Variants in ATRNL1 observed in about 807,000 individuals in gnomAD.
ATRNL1 encodes the protein attractin like 1.
ATRNL1 carries 95 observed loss-of-function variants against 182.7 expected under a neutral mutation model. The observed-to-expected ratio is 0.52, with a 90% confidence interval of 0.44 to 0.62. ATRNL1 has a LOEUF of 0.62. ATRNL1 is among the 20% of genes least tolerant of loss of function. The probability of loss-of-function intolerance (pLI) is 0.00; values close to 1 mark genes in which losing one functional copy is unlikely to be tolerated. For synonymous variants in ATRNL1, 576 were observed against 568.3 expected, an observed-to-expected ratio of 1.01 and a Z score of -0.19; for missense variants, 1,471 against 1,679.5, an observed-to-expected ratio of 0.88 and a Z score of 2.17.
At chr10:115,659,245 A>C (rs782137646) in intron 26 of ATRNL1, among the ~76,000 whole-genome samples, 1 of 151,804 alleles carries the variant, frequency 6.6e-6, no homozygotes, top group African/African-American at 2.4e-5. Context: ...GTTTCCCTGC[A>C]CTCTGCCCAC....
intron 24 of ATRNL1, among the ~76,000 whole-genome samples, chr10:115,512,051 A>G (rs7920354): frequency 0.047 from 7,180 of 151,968 alleles, 316 homozygotes; most frequent in East Asian, 0.12. Context: ...AAGTTTTAAA[A>G]CTAACTTTAA....
intron 28 of ATRNL1, among the ~76,000 whole-genome samples, chr10:115,918,703 GTCAAATT>G (rs1450658427): frequency 9.9e-5 from 15 of 152,160 alleles, no homozygotes; most frequent in African/African-American, 3.6e-4. Context: ...ACCACCAGTG[GTCAAATT>G]GTGTAGTATG....
chr10:115,856,428 C>CAAAAAAAAAAAAAAAAAAAAA (rs572743389), intron 28 of ATRNL1, among the ~76,000 whole-genome samples: 831 of 22,528 alleles, frequency 0.037, 336 homozygotes, highest in Non-Finnish European at 0.053. Context: ...AGCTCCATCT[C>CAAAAAAAAAAAAAAAAAAAAA]AAAAAAAAAA....
intron 17 of ATRNL1, among the ~76,000 whole-genome samples, chr10:115,313,229 T>C (rs949948201): frequency 2.0e-5 from 3 of 152,088 alleles, no homozygotes. Context: ...CCAGAATTAT[T>C]TTTCTGGTTC....
chr10:115,408,159 G>A (rs367812812), intron 20 of ATRNL1, among the ~76,000 whole-genome samples: 4 of 150,986 alleles, frequency 2.6e-5, no homozygotes, highest in African/African-American at 9.7e-5. Flanking sequence ...GCCCGCCACC[G>A]CGCCCGGCTA....
chr10:115,203,577 CTTTTTTTTTT>C (rs34988501), intron 8 of ATRNL1, among the ~76,000 whole-genome samples: 1,813 of 122,408 alleles, frequency 0.015, 40 homozygotes, highest in African/African-American at 0.049. Context: ...ATTGGGCCAC[CTTTTTTTTTT>C]TTTTTTTTTT....
chr10:115,215,202 C>G (rs1849181573), intron 8 of ATRNL1, among the ~76,000 whole-genome samples: 1 of 152,120 alleles, frequency 6.6e-6, no homozygotes, highest in African/African-American at 2.4e-5. Context: ...TTTTCATCCT[C>G]TGCAATACAA....
chr10:115,449,510 A>C (rs1554967271), intron 21 of ATRNL1, among the ~76,000 whole-genome samples: 2 of 152,172 alleles, frequency 1.3e-5, no homozygotes, highest in African/African-American at 4.8e-5. Flanking sequence ...ATGGGTATGG[A>C]CACTTGAGCT....
chr10:115,860,605 G>C (rs1454736787), intron 28 of ATRNL1, among the ~76,000 whole-genome samples: 2 of 152,140 alleles, frequency 1.3e-5, no homozygotes, highest in Non-Finnish European at 2.9e-5. Flanking sequence ...CAGAAACACA[G>C]AGCTAGGAAG....
intron 3 of ATRNL1, among the ~76,000 whole-genome samples, chr10:115,124,567 T>C (rs782764347): frequency 5.3e-5 from 8 of 152,172 alleles, no homozygotes; most frequent in Non-Finnish European, 8.8e-5. Context: ...GAGGCTGAAC[T>C]CAAATCTCCA....
intron 18 of ATRNL1, among the ~76,000 whole-genome samples, chr10:115,326,020 T>A (rs1854857422): frequency 6.6e-6 from 1 of 152,166 alleles, no homozygotes; most frequent in Non-Finnish European, 1.5e-5. Context: ...AATTTTGTTT[T>A]TACCTGAGTG....
intron 26 of ATRNL1, among the ~76,000 whole-genome samples, chr10:115,709,687 G>A (rs1168396950): frequency 6.6e-6 from 1 of 151,760 alleles, no homozygotes; most frequent in African/African-American, 2.4e-5. Flanking sequence ...GGATAAAAGG[G>A]TACATTTAGT....
At chr10:115,491,288 A>G (rs116363713) in intron 24 of ATRNL1, among the ~76,000 whole-genome samples, 4,822 of 152,018 alleles carry the variant, frequency 0.032, 249 homozygotes, top group African/African-American at 0.11. Flanking sequence ...GAGATCTGCT[A>G]CTCTCTTCAG....
chr10:115,659,334 T>G (rs1243100459), intron 26 of ATRNL1, among the ~76,000 whole-genome samples: 1 of 152,116 alleles, frequency 6.6e-6, no homozygotes, highest in East Asian at 1.9e-4. Flanking sequence ...TCTTAGGCAC[T>G]GACTGATATA....
At chr10:115,199,527 G>A (rs1370347171) in intron 8 of ATRNL1, among the ~76,000 whole-genome samples, 1 of 151,946 alleles carries the variant, frequency 6.6e-6, no homozygotes, top group Non-Finnish European at 1.5e-5. Flanking sequence ...TTGCACCACT[G>A]CACTTCAGCC....
intron 8 of ATRNL1, among the ~76,000 whole-genome samples, chr10:115,214,989 A>G (rs550480374): frequency 3.3e-5 from 5 of 152,214 alleles, no homozygotes; most frequent in Non-Finnish European, 5.9e-5. Context: ...CTGAGCAACT[A>G]AACATACCAG....
intron 28 of ATRNL1, among the ~76,000 whole-genome samples, chr10:115,895,822 C>T (rs1170433988): frequency 1.3e-5 from 2 of 152,124 alleles, no homozygotes; most frequent in Non-Finnish European, 2.9e-5. Context: ...GCCTTCCCAA[C>T]GGAGCTGATG....
intron 20 of ATRNL1, 76 bp downstream of exon 20, chr10:115,394,828 T>A: frequency 1.7e-6 from 2 of 1,143,326 alleles, no homozygotes; most frequent in Non-Finnish European, 2.5e-6. Context: ...TTTTACTTTT[T>A]AATTTAGTGT....
At chr10:115,690,176 C>T (rs1049651555) in intron 26 of ATRNL1, among the ~76,000 whole-genome samples, 1 of 152,058 alleles carries the variant, frequency 6.6e-6, no homozygotes, top group African/African-American at 2.4e-5. Flanking sequence ...GTGCGCTGTA[C>T]CATCCTTTCC....
Sources: allele counts gnomAD v4.1 joint callset (sites outside exome capture counted in the v4.1 genomes callset), GRCh38; gene constraint gnomAD v4.1.1; transcripts MANE v1.5; gene names NCBI Gene and HGNC (gene_info 2026-07-23, HGNC 2026-07-21).